FAF1: variants seen among roughly 807,000 people sequenced by gnomAD.
FAF1 encodes Fas associated factor 1, also known as FAS-associated factor 1.
In FAF1, 25 loss-of-function variants were observed where a neutral mutation model predicts 92.5. The ratio of observed to expected loss-of-function variants is 0.27; its 90% CI spans 0.20 to 0.38. The LOEUF is 0.38. Ranked by LOEUF, FAF1 falls within the 10% of genes least tolerant of loss-of-function variation. The probability of loss-of-function intolerance (pLI) is 1.00; values close to 1 mark genes in which losing one functional copy is unlikely to be tolerated. For missense variants in FAF1, 636 were observed against 793.3 expected (o/e 0.80, Z 2.38); for synonymous variants, 234 against 273.2 (o/e 0.86, Z 1.42).
chr1:50,787,819 T>TA (rs1557527707), intron 4 of FAF1, among the ~76,000 whole-genome samples, 181 bp downstream of exon 4: 1 of 152,214 alleles, frequency 6.6e-6, no homozygotes. Flanking sequence ...TTCTCAAACT[T>TA]ACCTCAATCT....
chr1:50,690,458 G>A (rs1434916178), intron 7 of FAF1, among the ~76,000 whole-genome samples: 1 of 152,002 alleles, frequency 6.6e-6, no homozygotes, highest in Admixed American at 6.6e-5. Context: ...ACAATTAGCT[G>A]GGTGTGGTGG....
At chr1:50,803,447 T>G (rs965064533) in intron 2 of FAF1, among the ~76,000 whole-genome samples, 1 of 152,216 alleles carries the variant, frequency 6.6e-6, no homozygotes, top group Non-Finnish European at 1.5e-5. Context: ...CTCAGTTTCC[T>G]TATCTGTGTA....
At chr1:50,622,591 A>C (rs946748586) in intron 8 of FAF1, among the ~76,000 whole-genome samples, 3 of 152,158 alleles carry the variant, frequency 2.0e-5, no homozygotes, top group Admixed American at 2.0e-4. Flanking sequence ...TATTACTTGA[A>C]ATTTACCTGT....
At chr1:50,805,502 T>C (rs1662158152) in intron 2 of FAF1, among the ~76,000 whole-genome samples, 1 of 152,130 alleles carries the variant, frequency 6.6e-6, no homozygotes, top group South Asian at 2.1e-4. Flanking sequence ...AATCATGACA[T>C]TCATGGTGGG....
At chr1:50,856,747 T>C (rs918561746) in intron 2 of FAF1, among the ~76,000 whole-genome samples, 1 of 151,790 alleles carries the variant, frequency 6.6e-6, no homozygotes, top group African/African-American at 2.4e-5. Flanking sequence ...AACATGTATA[T>C]GCAGGAATGT....
At position 50,642,204 on chromosome 1, in the gene FAF1, GAA is replaced by G. The variant is rs1199936049; in HGVS notation, c.744+13236_744+13237del. 2.3e-4 allele frequency among the ~76,000 whole-genome samples: 18 copies of G among 78,474 alleles called. 1 individual carries two copies. The highest frequency in any genetic ancestry group is 5.1e-4 in the African/African-American group (11 of 21,782). 51.5% of individuals were successfully genotyped at this position (78,474 alleles called of 152,430 possible). A position where few individuals can be genotyped will look rare whatever the true frequency, so the allele number is the denominator to read the frequency against. On this transcript the variant is annotated intron_variant, in intron 8 of 18. Coordinates refer to ENST00000396153, the MANE Select transcript of FAF1 (RefSeq NM_007051.3). ...GGCAACAAAGTGACACTTTGTCTCA[GAA>G]AAAAAAAAAAAAAAAAATCCTTGTT...
intron 1 of FAF1, among the ~76,000 whole-genome samples, chr1:50,959,202 C>G (rs529518165): frequency 1.4e-4 from 21 of 152,314 alleles, no homozygotes; most frequent in African/African-American, 5.1e-4. Flanking sequence ...ATAGTCTTAT[C>G]TGTCTCCTTG....
At chr1:50,798,506 T>A (rs1486761750) in intron 3 of FAF1, among the ~76,000 whole-genome samples, 1 of 152,240 alleles carries the variant, frequency 6.6e-6, no homozygotes, top group Non-Finnish European at 1.5e-5. Flanking sequence ...GGACAATATG[T>A]TAAATAAATA....
chr1:50,442,493 T>C (rs927630669), intron 18 of FAF1, among the ~76,000 whole-genome samples: 2 of 152,208 alleles, frequency 1.3e-5, no homozygotes, highest in Non-Finnish European at 2.9e-5. Flanking sequence ...AGGTGTTCCA[T>C]AATGACTGCT....
At chr1:50,690,840 G>GA (rs924523314) in intron 7 of FAF1, among the ~76,000 whole-genome samples, 4 of 152,002 alleles carry the variant, frequency 2.6e-5, no homozygotes, top group Admixed American at 2.6e-4. Flanking sequence ...ATAATATGTG[G>GA]CTTTTTGTGT....
At chr1:50,547,761 A>T (rs974753825) in intron 13 of FAF1, among the ~76,000 whole-genome samples, 1 of 152,232 alleles carries the variant, frequency 6.6e-6, no homozygotes, top group African/African-American at 2.4e-5. Context: ...ATCTAGAAAT[A>T]ACTCAAATGC....
At chr1:50,782,644 A>C (rs12074850) in intron 4 of FAF1, among the ~76,000 whole-genome samples, 1 of 152,006 alleles carries the variant, frequency 6.6e-6, no homozygotes, top group Admixed American at 6.6e-5. Flanking sequence ...GCCTCCCAAA[A>C]TGCTGGGATT....
At chr1:50,851,081 ATTTTT>A (rs57980948) in intron 2 of FAF1, among the ~76,000 whole-genome samples, 1 of 135,458 alleles carries the variant, frequency 7.4e-6, no homozygotes, top group Non-Finnish European at 1.6e-5. Context: ...AGCAATTTAC[ATTTTT>A]TTTTTTTTTT....
chr1:50,951,707 G>A (rs1043747106), intron 1 of FAF1, among the ~76,000 whole-genome samples: 14 of 152,188 alleles, frequency 9.2e-5, no homozygotes, highest in East Asian at 3.9e-4. Flanking sequence ...GAGGACAGAG[G>A]AGAAAGGAAA....
intron 1 of FAF1, among the ~76,000 whole-genome samples, chr1:50,906,664 G>C (rs572277049): frequency 1.3e-5 from 2 of 152,300 alleles, no homozygotes; most frequent in South Asian, 4.1e-4. Flanking sequence ...GTTCACTCAT[G>C]ATTCGGCTCT....
At chr1:50,776,427 T>C (rs1215333808) in intron 4 of FAF1, among the ~76,000 whole-genome samples, 1 of 152,234 alleles carries the variant, frequency 6.6e-6, no homozygotes, top group Non-Finnish European at 1.5e-5. Context: ...AATCATGTTA[T>C]ATGGTTTCTC....
chr1:50,752,568 C>A (rs1181374511), intron 4 of FAF1, among the ~76,000 whole-genome samples: 6 of 152,054 alleles, frequency 3.9e-5, no homozygotes, highest in African/African-American at 1.4e-4. Context: ...TAAAAAACAG[C>A]TTTAGGTTTT....
At chr1:50,923,019 G>A (rs1483853722) in intron 1 of FAF1, among the ~76,000 whole-genome samples, 1 of 151,994 alleles carries the variant, frequency 6.6e-6, no homozygotes, top group East Asian at 1.9e-4. Flanking sequence ...GGAAAACCTA[G>A]AGTAAATGGA....
chr1:50,827,635 AAAATAAATAAAT>A (rs555516630), intron 2 of FAF1, among the ~76,000 whole-genome samples: 1 of 146,442 alleles, frequency 6.8e-6, no homozygotes, highest in African/African-American at 2.8e-5. Flanking sequence ...TAAATACTAA[AAAATAAATAAAT>A]AAATAAATAA....
Sources: gnomAD v4.1 joint callset for allele counts (sites outside exome capture counted in the v4.1 genomes callset) on GRCh38, gnomAD v4.1.1 for gene constraint, MANE v1.5 for transcripts, NCBI Gene and HGNC (gene_info 2026-07-23, HGNC 2026-07-21) for gene names.